The following ALS2 variants were observed in gnomAD, a reference collection of about 807,000 sequenced individuals.
ALS2 encodes the protein alsin Rho guanine nucleotide exchange factor ALS2.
A neutral mutation model predicts 203.4 loss-of-function variants in ALS2; 117 were observed. That is an observed-to-expected ratio of 0.58 (90% CI 0.50 to 0.67). The LOEUF is 0.67. Among genes scored for constraint, ALS2 ranks in the 30% least tolerant of loss-of-function variants. The probability of loss-of-function intolerance (pLI) is 0.00; values close to 1 mark genes in which losing one functional copy is unlikely to be tolerated. For synonymous variants in ALS2, 718 were observed against 725.9 expected, an observed-to-expected ratio of 0.99 and a Z score of 0.17; for missense variants, 1,715 against 1,989.4, an observed-to-expected ratio of 0.86 and a Z score of 2.62.
chr2:201,718,031 C>T (rs1366933957), intron 24 of ALS2, 46 bp downstream of exon 24: 1 of 1,599,728 alleles, frequency 6.3e-7, no homozygotes, highest in African/African-American at 1.3e-5. Context: ...AGCAAGACAA[C>T]TCCAAACATT....
intron 14 of ALS2, 143 bp from the exon 15 acceptor site, chr2:201,728,783 G>A: frequency 5.5e-6 from 6 of 1,084,418 alleles, no homozygotes; most frequent in East Asian, 2.6e-5. Flanking sequence ...ATTTATATGG[G>A]ATCTAAACAC....
chr2:201,767,735 G>A (rs1197534604), intron 2 of ALS2, among the ~76,000 whole-genome samples: 1 of 151,794 alleles, frequency 6.6e-6, no homozygotes, highest in Non-Finnish European at 1.5e-5. Flanking sequence ...GGGCATGGTG[G>A]CGTGAACCTG....
rs1169584903 is a variant in ALS2, at chr2:201,757,737, G to A, written c.1136C>T (p.Pro379Leu). 6.2e-7 allele frequency: 1 copy of A among 1,611,330 alleles called. No individual in the cohort carries two copies. The highest frequency in any genetic ancestry group is 8.5e-7 in the Non-Finnish European group (1 of 1,179,968). ...PSQPLLEEAI[P>L]NLHSPPTTST... ...TGTGGTAGGCGGGCTGTGGAGATTAGGAATTGCTTCTTCTAAAAGAGGCTA... is the reference window on the plus strand; with the variant it reads ...TGTGGTAGGCGGGCTGTGGAGATTAAGAATTGCTTCTTCTAAAAGAGGCTA... The change falls in exon 5 of 34, where the codon CCT becomes CTT. Residue 379 changes from proline to leucine, a missense_variant. By Grantham distance (98) the Pro-to-Leu change is moderately conservative. Around this residue, in one of 3 missense-constraint regions of ALS2, gnomAD observed 476 missense variants for 539.3 expected, o/e 0.88. Transcript: ENST00000264276.
intron 17 of ALS2, 69 bp downstream of exon 17, chr2:201,727,140 TTTC>T (rs1691227317): frequency 7.5e-7 from 1 of 1,331,244 alleles, no homozygotes; most frequent in Non-Finnish European, 1.1e-6. Flanking sequence ...ACAATTTATA[TTTC>T]TTCTTTATTA....
intron 1 of ALS2, 64 bp from the exon 2 acceptor site, chr2:201,769,009 A>G: frequency 1.3e-6 from 1 of 798,750 alleles, no homozygotes. Flanking sequence ...CATTAAAAAA[A>G]AAAAAAGCAG....
rs1341228448 is a variant in ALS2 at position 201,757,405 on chromosome 2, G to T, written c.1468C>A (p.Gln490Lys). 1 of 1,612,966 alleles carries T rather than the reference G, an allele frequency of 6.2e-7. No homozygotes were observed. The highest frequency in any genetic ancestry group is 8.5e-7 in the Non-Finnish European group (1 of 1,178,954). The change falls in exon 5 of 34, where the codon CAA (glutamine) becomes AAA (lysine). Residue 490 changes from glutamine to lysine, a missense_variant. Coordinates refer to ENST00000264276, the MANE Select transcript of ALS2 (RefSeq NM_020919.4). ...RRLSLPGLLS[Q>K]VSPRLLRKAA... ...CAAAACCTAGTTATTTCCTTACCTT[G>T]TGACAACAATCCAGGGAGGGAGAGT...
chr2:201,723,574 T>A, intron 21 of ALS2, 133 bp from the exon 22 acceptor site: 1 of 747,794 alleles, frequency 1.3e-6, no homozygotes, highest in Non-Finnish European at 2.4e-6. Flanking sequence ...TTAAAATAGT[T>A]AACTTTGTCT....
intron 23 of ALS2, among the ~76,000 whole-genome samples, chr2:201,721,179 A>T (rs1295653770): frequency 6.6e-6 from 1 of 152,198 alleles, no homozygotes; most frequent in Admixed American, 6.5e-5. Flanking sequence ...ATGTAAATAA[A>T]CTGTGAGGTG....
At chr2:201,710,288 T>C (rs1162152149) in intron 26 of ALS2, among the ~76,000 whole-genome samples, 1 of 152,082 alleles carries the variant, frequency 6.6e-6, no homozygotes, top group East Asian at 1.9e-4. Flanking sequence ...GAAGTACTGA[T>C]ATGGAATACC....
chr2:201,759,507 A>G (rs780677791), intron 4 of ALS2: 2 of 974,186 alleles, frequency 2.1e-6, no homozygotes, highest in South Asian at 9.5e-5. Context: ...TGTTACTAGC[A>G]TAAGTAACAA....
intron 23 of ALS2, among the ~76,000 whole-genome samples, chr2:201,721,675 T>G (rs1423884748): frequency 6.6e-6 from 1 of 152,090 alleles, no homozygotes; most frequent in Non-Finnish European, 1.5e-5. Flanking sequence ...AACTTTCATT[T>G]TTTTTTTAGA....
At chr2:201,723,228 T>C (rs1690923241) in intron 22 of ALS2, 102 bp downstream of exon 22, 3 of 1,382,290 alleles carry the variant, frequency 2.2e-6, no homozygotes, top group Non-Finnish European at 2.1e-6. Flanking sequence ...AGAAGGAAAA[T>C]AGTACTAAGA....
At chr2:201,775,955 T>C (rs1469611803) in intron 1 of ALS2, among the ~76,000 whole-genome samples, 2 of 152,180 alleles carry the variant, frequency 1.3e-5, no homozygotes, top group Non-Finnish European at 2.9e-5. Context: ...ATAATAATCA[T>C]TCTGAACAAG....
rs564975598 is a variant in ALS2, at chr2:201,736,550, G to A, written c.2417+2120C>T. 2.2e-4 allele frequency among the ~76,000 whole-genome samples: 34 copies of A among 152,130 alleles called. No homozygotes were observed. The South Asian group carries it at 6.6e-3, about 30-fold the overall frequency. ...TAATGAACCAAGTGCTAAACTAGAA[G>A]TTGTTAAGAAGTTAACAGGTGAACA... On this transcript the variant is annotated intron_variant, in intron 12 of 33. Coordinates refer to ENST00000264276, the MANE Select transcript of ALS2 (RefSeq NM_020919.4).
Position 201,723,323 on chromosome 2 carries a change from C to T in ALS2, c.3624+7G>A. 1 of 1,594,322 alleles carries T rather than the reference C, an allele frequency of 6.3e-7. No individual in the cohort carries two copies. On this transcript the variant is annotated splice_region_variant and intron_variant, in intron 22 of 33. Coordinates refer to ENST00000264276, the MANE Select transcript of ALS2 (RefSeq NM_020919.4). ...TAGTAATAACTACATGCAAATATTC[C>T]ACTCACCATCATTTTATTAAGGTGA...
At position 201,754,633 on chromosome 2, in the gene ALS2, T is replaced by C. The variant is rs1693273685; in HGVS notation, c.1510A>G (p.Thr504Ala). The change falls in exon 6 of 34, where the codon ACG becomes GCG. Residue 504 changes from threonine to alanine, a missense_variant. By Grantham distance (58) the Thr-to-Ala change is moderately conservative. Around this residue, in one of 3 missense-constraint regions of ALS2, gnomAD observed 1,227 missense variants for 1,413.5 expected, o/e 0.87. Coordinates refer to ENST00000264276, the MANE Select transcript of ALS2 (RefSeq NM_020919.4). ...RLLRKAARVK[T>A]RTVVLTPTYS... The stretch of plus-strand genomic sequence containing the variant: ...GTGGGGGTCAGAACCACTGTCCTCG[T>C]TTTCACCCGTGCAGCCTTTCTTAAG... 6.2e-7 allele frequency: 1 copy of C among 1,613,984 alleles called. No homozygotes were observed. Among genetic ancestry groups the C allele is most frequent in the Non-Finnish European group, 8.5e-7 (1 of 1,180,012 alleles).
At chr2:201,738,400 TAA>T in intron 12 of ALS2, 1 of 477,074 alleles carries the variant, frequency 2.1e-6, no homozygotes, top group South Asian at 2.2e-5. Context: ...CCTACTGAGG[TAA>T]AGAGAGTTGT....
At chr2:201,755,558 C>T (rs927587623) in intron 5 of ALS2, among the ~76,000 whole-genome samples, 25 of 152,104 alleles carry the variant, frequency 1.6e-4, no homozygotes, top group African/African-American at 4.6e-4. Context: ...CCACTGTGCC[C>T]GGCTCCCATC....
rs1691184710 is a variant in ALS2 at position 201,726,701 on chromosome 2, A to C, written c.3145T>G (p.Tyr1049Asp). The C allele has an allele frequency of 6.2e-7, 1 of 1,614,090 alleles. No homozygotes were observed. The highest frequency in any genetic ancestry group is 8.5e-7 in the Non-Finnish European group (1 of 1,180,046). ...YKDPRLKDATYDGRWLSGKPH... is the reference protein window; with the variant it reads ...YKDPRLKDATDDGRWLSGKPH... ...TTCCCTGAAAGCCAGCGTCCATCAT[A>C]GGTGGCATCCTTTAGGCGAGGATCC... The change falls in exon 18 of 34, where the codon TAT (tyrosine) becomes GAT (aspartate). Residue 1049 changes from tyrosine to aspartate, a missense_variant. Physicochemically the swap from Tyr to Asp is radical, Grantham distance 160. This residue lies in a region of ALS2 where 1,227 missense variants were observed against 1,413.5 expected (regional missense o/e 0.87). Transcript: ENST00000264276.
Sources: allele counts gnomAD v4.1 joint callset (sites outside exome capture counted in the v4.1 genomes callset), GRCh38; gene constraint gnomAD v4.1.1; regional missense constraint gnomAD v4.1.1; transcripts MANE v1.5; gene names NCBI Gene and HGNC (gene_info 2026-07-23, HGNC 2026-07-21).